TTC28: variants seen among roughly 807,000 people sequenced by gnomAD.
The protein encoded by TTC28 is tetratricopeptide repeat protein 28.
In TTC28, 61 loss-of-function variants were observed where a neutral mutation model predicts 198.0. That is an observed-to-expected ratio of 0.31 (90% CI 0.25 to 0.38). The LOEUF is 0.38. Among genes scored for constraint, TTC28 ranks in the 10% least tolerant of loss-of-function variants. The pLI, the probability that TTC28 is intolerant of heterozygous loss-of-function variation, is 1.00. For synonymous variants in TTC28, 1,171 were observed against 1,297.8 expected (o/e 0.90, Z 2.10); for missense variants, 2,678 against 3,164.0 (o/e 0.85, Z 3.69).
chr22:28,448,283 T>A (rs1568950058), intron 2 of TTC28, among the ~76,000 whole-genome samples: 1 of 152,170 alleles, frequency 6.6e-6, no homozygotes, highest in Non-Finnish European at 1.5e-5. Flanking sequence ...ACTTGCCTAT[T>A]CAAATCTGAA....
chr22:28,422,096 G>A (rs1315456755), intron 2 of TTC28, among the ~76,000 whole-genome samples: 1 of 152,112 alleles, frequency 6.6e-6, no homozygotes, highest in Non-Finnish European at 1.5e-5. Context: ...GAAAGGAGAG[G>A]AGTAAATGAA....
intron 1 of TTC28, among the ~76,000 whole-genome samples, chr22:28,655,080 T>C (rs2051622619): frequency 6.6e-6 from 1 of 152,220 alleles, no homozygotes; most frequent in Non-Finnish European, 1.5e-5. Flanking sequence ...TTCATATGTA[T>C]TTGAACCTAA....
intron 1 of TTC28, among the ~76,000 whole-genome samples, chr22:28,635,675 T>C (rs1051539643): frequency 2.6e-5 from 4 of 152,150 alleles, no homozygotes; most frequent in Admixed American, 6.6e-5. Context: ...TATTGAGGTA[T>C]AAACTGACCA....
intron 2 of TTC28, among the ~76,000 whole-genome samples, chr22:28,622,247 G>A (rs1038824055): frequency 2.6e-5 from 4 of 152,132 alleles, no homozygotes; most frequent in Non-Finnish European, 5.9e-5. Flanking sequence ...GGCCAAGGGG[G>A]AAGGGGATTC....
chr22:28,098,371 C>G (rs928843454), intron 10 of TTC28, among the ~76,000 whole-genome samples: 1 of 152,088 alleles, frequency 6.6e-6, no homozygotes, highest in Non-Finnish European at 1.5e-5. Context: ...TTCAAGCATC[C>G]CTGTCTCAAG....
chr22:28,165,475 A>ATC lies in TTC28; in HGVS notation c.934-1878_934-1877dup, dbSNP rs529170878. ...GGGAAGCCCATCAGACTAACAGCTG[A>ATC]TCTCAGGACAGAAACTCTACAAGCC... is the stretch of plus-strand genomic sequence containing the variant. On this transcript the variant is annotated intron_variant, in intron 5 of 22. Coordinates refer to ENST00000397906, the MANE Select transcript of TTC28 (RefSeq NM_001145418.2). Among the ~76,000 whole-genome samples, 1,133 of 150,212 alleles carry ATC rather than the reference A, an allele frequency of 7.5e-3. 7 individuals carry two copies. The highest frequency in any genetic ancestry group is 0.011 in the Non-Finnish European group (758 of 66,810).
At chr22:28,255,632 GATC>G (rs1311154357) in intron 5 of TTC28, among the ~76,000 whole-genome samples, 7 of 150,704 alleles carry the variant, frequency 4.6e-5, no homozygotes, top group Non-Finnish European at 1.0e-4. Flanking sequence ...GGTGAGCTGA[GATC>G]GTGCCATTAC....
intron 2 of TTC28, among the ~76,000 whole-genome samples, chr22:28,375,417 A>C (rs1363809006): frequency 6.6e-6 from 1 of 152,230 alleles, no homozygotes; most frequent in Admixed American, 6.5e-5. Context: ...CAAGAACTTC[A>C]ATCCAGACTG....
chr22:28,652,363 C>A (rs1300166096), intron 1 of TTC28, among the ~76,000 whole-genome samples: 2 of 152,162 alleles, frequency 1.3e-5, no homozygotes, highest in Non-Finnish European at 2.9e-5. Flanking sequence ...AGAATAAAAG[C>A]TTATGCTGGT....
intron 5 of TTC28, among the ~76,000 whole-genome samples, chr22:28,257,804 AAAAAG>A (rs895651622): frequency 6.9e-6 from 1 of 144,036 alleles, no homozygotes; most frequent in African/African-American, 2.6e-5. Context: ...TAAAAAATAA[AAAAAG>A]AAAAAACAGC....
intron 2 of TTC28, among the ~76,000 whole-genome samples, chr22:28,565,574 A>G (rs2049955517): frequency 6.6e-6 from 1 of 152,204 alleles, no homozygotes; most frequent in Non-Finnish European, 1.5e-5. Context: ...GTTCTTTACT[A>G]ACTGCTTACT....
chr22:28,390,224 C>G (rs1187345750), intron 2 of TTC28, among the ~76,000 whole-genome samples: 1 of 152,068 alleles, frequency 6.6e-6, no homozygotes, highest in Non-Finnish European at 1.5e-5. Context: ...GTTATAATTT[C>G]TGTTCTTTTA....
chr22:28,505,256 CAAAAAAAAAAAA>C (rs35503278), intron 2 of TTC28, among the ~76,000 whole-genome samples: 1 of 75,392 alleles, frequency 1.3e-5, no homozygotes, highest in Middle Eastern at 7.2e-3. Context: ...GACTCCGTCT[CAAAAAAAAAAAA>C]AAAAAAAAAA....
At chr22:28,556,893 G>A (rs1409396739) in intron 2 of TTC28, among the ~76,000 whole-genome samples, 1 of 152,214 alleles carries the variant, frequency 6.6e-6, no homozygotes, top group African/African-American at 2.4e-5. Context: ...GGTTGCCTGA[G>A]TGACCTCACA....
intron 5 of TTC28, among the ~76,000 whole-genome samples, chr22:28,236,857 G>A (rs1189413052): frequency 1.3e-5 from 2 of 152,150 alleles, no homozygotes; most frequent in Non-Finnish European, 2.9e-5. Context: ...GAAATAGAGG[G>A]AATGGAACTC....
chr22:27,992,758 A>G, intron 18 of TTC28, 95 bp from the exon 19 acceptor site: 2 of 1,233,660 alleles, frequency 1.6e-6, no homozygotes, highest in Non-Finnish European at 2.3e-6. Context: ...AATCCTTGGC[A>G]TCGGTGGCAT....
rs2050714900 is a variant in TTC28, at chr22:28,605,525, T to TA, written c.381+24026dup. ...GACAGAAACCTTTCAATCACTTTTT[T>TA]ATCTCATCTCTTATAACAGCACACT... On this transcript the variant is annotated intron_variant, in intron 2 of 22. Transcript: ENST00000397906. Among the ~76,000 whole-genome samples, 3 of 152,182 alleles carry TA rather than the reference T, an allele frequency of 2.0e-5. No individual in the cohort carries two copies. In the South Asian group the frequency reaches 6.2e-4, roughly 32 times the overall value.
intron 11 of TTC28, 106 bp from the exon 12 acceptor site, chr22:28,094,351 A>G (rs1941907113): frequency 8.0e-7 from 1 of 1,248,446 alleles, no homozygotes; most frequent in Non-Finnish European, 1.1e-6. Flanking sequence ...TTCTTTGACA[A>G]GCATGCCATC....
chr22:28,516,002 C>T (rs527960939), intron 2 of TTC28, among the ~76,000 whole-genome samples: 3 of 151,856 alleles, frequency 2.0e-5, no homozygotes, highest in Non-Finnish European at 4.4e-5. Flanking sequence ...AAAAATTAAC[C>T]GGGCGTGGTC....
Sources: allele counts gnomAD v4.1 joint callset (sites outside exome capture counted in the v4.1 genomes callset), GRCh38; gene constraint gnomAD v4.1.1; transcripts MANE v1.5; gene names NCBI Gene and HGNC (gene_info 2026-07-23, HGNC 2026-07-21).